The following SLC2A14 variants were observed in gnomAD, a reference collection of about 807,000 sequenced individuals.
The protein encoded by SLC2A14 is solute carrier family 2 member 14.
In SLC2A14, 13 loss-of-function variants were observed where a neutral mutation model predicts 43.0. The ratio of observed to expected loss-of-function variants is 0.30; its 90% CI spans 0.20 to 0.48. The LOEUF is 0.48. SLC2A14 is among the 20% of genes least tolerant of loss of function. SLC2A14 has a pLI of 0.99. For missense variants in SLC2A14, 428 were observed against 620.4 expected, an observed-to-expected ratio of 0.69 and a Z score of 3.29; for synonymous variants, 190 against 233.8, an observed-to-expected ratio of 0.81 and a Z score of 1.71.
chr12:7,869,476 T>C (rs1945111622), intron 2 of SLC2A14, among the ~76,000 whole-genome samples: 1 of 152,194 alleles, frequency 6.6e-6, no homozygotes, highest in African/African-American at 2.4e-5. Context: ...TTATTATTAC[T>C]GTGTACATTC....
chr12:7,880,878 G>C (rs970189074), intron 1 of SLC2A14, among the ~76,000 whole-genome samples: 2 of 151,854 alleles, frequency 1.3e-5, no homozygotes, highest in African/African-American at 4.8e-5. Context: ...GGTGGCTCAC[G>C]CCTGTAATCC....
intron 2 of SLC2A14, among the ~76,000 whole-genome samples, chr12:7,854,769 G>A (rs1394006798): frequency 1.3e-5 from 2 of 151,742 alleles, no homozygotes; most frequent in Non-Finnish European, 2.9e-5. Context: ...TGCCCACCTC[G>A]ACCTCCCGAA....
In SLC2A14 at chr12:7,832,732, G is replaced by T. The variant is rs1203968225; in HGVS notation, c.101C>A (p.Ala34Asp). 2 of 1,613,934 alleles carry T rather than the reference G, an allele frequency of 1.2e-6. No individual in the cohort carries two copies. Among genetic ancestry groups the T allele is most frequent in the African/African-American group, 2.7e-5 (2 of 74,924 alleles). The change falls in exon 3 of 11, where the codon GCT becomes GAT. Residue 34 changes from alanine to aspartate, a missense_variant. Ala to Asp is a moderately radical substitution (Grantham distance 126). Transcript: ENST00000431042. ...QFGYNTGVIN[A>D]PETIIKEFIN... is the part of the protein sequence containing the mutation. ...TGGCCTGGCACTCACCGTCTCAGGA[G>T]CATTGATGACCCCAGTGTTGTAGCC...
chr12:7,864,578 T>A (rs1359424911), intron 2 of SLC2A14, among the ~76,000 whole-genome samples: 1 of 152,154 alleles, frequency 6.6e-6, no homozygotes, highest in Non-Finnish European at 1.5e-5. Context: ...GACCTCATCA[T>A]CCGCCGGCCT....
chr12:7,826,207 C>A (rs1864345025), intron 7 of SLC2A14, among the ~76,000 whole-genome samples: 1 of 135,630 alleles, frequency 7.4e-6, no homozygotes, highest in African/African-American at 2.8e-5. Flanking sequence ...TTTCTAACTA[C>A]TGTGTATTTC....
At chr12:7,877,077 C>T (rs1256061391), upstream of SLC2A14, among the ~76,000 whole-genome samples, 3 of 150,792 alleles carry the variant, frequency 2.0e-5, no homozygotes, top group African/African-American at 7.3e-5. Flanking sequence ...AATCTCCGCT[C>T]ACTGCAACCT....
chr12:7,832,077 C>T (rs1279438794), intron 3 of SLC2A14, among the ~76,000 whole-genome samples: 3 of 152,226 alleles, frequency 2.0e-5, no homozygotes, highest in East Asian at 3.9e-4. Flanking sequence ...CATTGCACTC[C>T]GGCCTGGGTG....
intron 2 of SLC2A14, chr12:7,863,482 C>G (rs1037726153): frequency 2.2e-6 from 1 of 445,718 alleles, no homozygotes; most frequent in South Asian, 1.6e-5. Flanking sequence ...AAAAAATTAG[C>G]TGGGTGTGCT....
In SLC2A14 at chr12:7,831,597, T is replaced by G; in HGVS notation, c.272+7A>C. On this transcript the variant is annotated splice_region_variant and intron_variant, in intron 4 of 10. Transcript: ENST00000431042. The stretch of plus-strand genomic sequence containing the variant: ...GCCCACTTCCTTGCCCAGTTTCTAG[T>G]CAATACCTGCCAAAGCGGTTAACAA... 6.2e-7 allele frequency: 1 copy of G among 1,613,928 alleles called. No homozygotes were observed. The highest frequency in any genetic ancestry group is 8.5e-7 in the Non-Finnish European group (1 of 1,180,012).
intron 1 of SLC2A14, among the ~76,000 whole-genome samples, chr12:7,879,466 G>A (rs2121102263): frequency 6.6e-6 from 1 of 152,186 alleles, no homozygotes; most frequent in East Asian, 1.9e-4. Flanking sequence ...CGGATCAACT[G>A]AGGTCAGGAG....
chr12:7,824,560 C>T (rs1864184113), intron 7 of SLC2A14, among the ~76,000 whole-genome samples: 1 of 151,224 alleles, frequency 6.6e-6, no homozygotes, highest in Admixed American at 6.6e-5. Flanking sequence ...CTGGAAAAAC[C>T]CTGTCTCTAC....
intron 1 of SLC2A14, among the ~76,000 whole-genome samples, chr12:7,878,803 C>A (rs1299679181): frequency 1.3e-5 from 2 of 150,880 alleles, no homozygotes; most frequent in Non-Finnish European, 3.0e-5. Context: ...ATGGTGAAAC[C>A]CTGTTGCTAA....
Position 7,861,919 on chromosome 12 carries a change from G to A in SLC2A14, c.18+7944C>T, listed in dbSNP as rs372514832. ...AGAGGTTGCAATGAGCTGAGATTACGCCACTGCACTCCAGCCTGGGCGACA... is the reference window on the plus strand; with the variant it reads ...AGAGGTTGCAATGAGCTGAGATTACACCACTGCACTCCAGCCTGGGCGACA... On this transcript the variant is annotated intron_variant, in intron 2 of 10. Coordinates refer to ENST00000431042, the MANE Select transcript of SLC2A14 (RefSeq NM_001286234.2). Among the ~76,000 whole-genome samples the A allele has an allele frequency of 8.1e-3, 1,199 of 148,738 alleles. 10 individuals are homozygous for A. Among genetic ancestry groups the A allele is most frequent in the Non-Finnish European group, 0.012 (779 of 67,596 alleles).
intron 1 of SLC2A14, among the ~76,000 whole-genome samples, chr12:7,884,001 G>A (rs1426121176): frequency 6.7e-6 from 1 of 149,394 alleles, no homozygotes; most frequent in Non-Finnish European, 1.5e-5. Context: ...TCGGCTCACT[G>A]CAAGCTCTGC....
At chr12:7,862,495 G>T (rs192829672) in intron 2 of SLC2A14, among the ~76,000 whole-genome samples, 1 of 151,964 alleles carries the variant, frequency 6.6e-6, no homozygotes, top group Non-Finnish European at 1.5e-5. Flanking sequence ...CTGTGCGGAC[G>T]AGCCTCCCCG....
At chr12:7,834,402 T>G (rs1412547542) in intron 2 of SLC2A14, among the ~76,000 whole-genome samples, 1 of 151,954 alleles carries the variant, frequency 6.6e-6, no homozygotes. Context: ...CTAAAAAATG[T>G]GTTGACCTGG....
In SLC2A14 at chr12:7,814,415, G is replaced by A; in HGVS notation, c.1395C>T (p.Ala465=). The part of the protein sequence containing the change: ...RGRTFEDITR[A]FEGQAHGADR... ...CTGCACCGTGTGCCTGCCCTTCAAA[G>A]GCCCGTGTGATATCCTCAAAAGTCC... Residue 465 remains alanine, a synonymous_variant, in exon 11 of 11, where the codon GCC becomes GCT. Transcript: ENST00000431042. 1 of 1,613,326 alleles carries A rather than the reference G, an allele frequency of 6.2e-7. No homozygotes were observed. The highest frequency in any genetic ancestry group is 8.5e-7 in the Non-Finnish European group (1 of 1,179,742).
intron 2 of SLC2A14, among the ~76,000 whole-genome samples, chr12:7,837,848 C>T (rs1865588017): frequency 6.6e-6 from 1 of 151,974 alleles, no homozygotes; most frequent in Non-Finnish European, 1.5e-5. Flanking sequence ...ACCTCCACCT[C>T]CTGCGTTCAA....
At position 7,826,788 on chromosome 12, in the gene SLC2A14, G is replaced by A. The variant is rs182226618; in HGVS notation, c.864+707C>T. On this transcript the variant is annotated intron_variant, in intron 7 of 10. Transcript: ENST00000431042. ...ACTGGTAAAGTCAGCTCAGTCTGAA[G>A]TTGCCAGTGTACTTCCAGGCTCGCT... 7.9e-4 allele frequency among the ~76,000 whole-genome samples: 120 copies of A among 151,936 alleles called. 1 individual carries two copies. Among genetic ancestry groups the A allele is most frequent in the African/African-American group, 2.7e-3 (111 of 41,394 alleles).
Sources: gnomAD v4.1 joint callset for allele counts (sites outside exome capture counted in the v4.1 genomes callset) on GRCh38, gnomAD v4.1.1 for gene constraint, MANE v1.5 for transcripts, NCBI Gene and HGNC (gene_info 2026-07-23, HGNC 2026-07-21) for gene names.